BBS9: variants seen among roughly 807,000 people sequenced by gnomAD.
BBS9 encodes the protein protein PTHB1.
BBS9 carries 89 observed loss-of-function variants against 117.7 expected under a neutral mutation model. That is an observed-to-expected ratio of 0.76 (90% CI 0.64 to 0.90). The LOEUF is 0.90. BBS9 is among the 40% of genes least tolerant of loss of function. The pLI is 0.00. For synonymous variants in BBS9, 379 were observed against 370.9 expected (o/e 1.02, Z -0.25); for missense variants, 982 against 1,042.2 (o/e 0.94, Z 0.80).
At chr7:33,509,925 A>T (rs11762294) in intron 20 of BBS9, among the ~76,000 whole-genome samples, 54,188 of 152,114 alleles carry the variant, frequency 0.36, 11,466 homozygotes, top group African/African-American at 0.6. Flanking sequence ...CTCTTTAATG[A>T]TGCCTTTCCA....
At chr7:33,616,455 A>G (rs1211623728) in intron 21 of BBS9, among the ~76,000 whole-genome samples, 1 of 148,242 alleles carries the variant, frequency 6.7e-6, no homozygotes, top group Non-Finnish European at 1.5e-5. Flanking sequence ...AGTTACATAT[A>G]TGTTATATAA....
At chr7:33,588,096 T>G (rs1348524488) in intron 21 of BBS9, among the ~76,000 whole-genome samples, 1 of 152,132 alleles carries the variant, frequency 6.6e-6, no homozygotes, top group East Asian at 1.9e-4. Context: ...GTTATTTCTT[T>G]TTAACTTTGA....
intron 21 of BBS9, among the ~76,000 whole-genome samples, chr7:33,568,625 T>C (rs1244139353): frequency 6.6e-6 from 1 of 152,170 alleles, no homozygotes; most frequent in African/African-American, 2.4e-5. Context: ...GTTTCCATAG[T>C]GGTTTTGCCA....
At chr7:33,135,594 TG>T (rs1790328941) in intron 1 of BBS9, among the ~76,000 whole-genome samples, 1 of 152,242 alleles carries the variant, frequency 6.6e-6, no homozygotes, top group East Asian at 1.9e-4. Context: ...TAGTAAGTTT[TG>T]ATATGGGGAA....
At chr7:33,347,540 G>T (rs1584434794) in intron 12 of BBS9, among the ~76,000 whole-genome samples, 1 of 151,908 alleles carries the variant, frequency 6.6e-6, no homozygotes, top group Non-Finnish European at 1.5e-5. Context: ...AGGATTCATT[G>T]TTCATGGTGT....
At chr7:33,234,140 T>C (rs1260420910) in intron 5 of BBS9, among the ~76,000 whole-genome samples, 1 of 152,064 alleles carries the variant, frequency 6.6e-6, no homozygotes, top group African/African-American at 2.4e-5. Flanking sequence ...TTAACCCTAA[T>C]TTTACTGAAT....
chr7:33,634,077 A>G (rs548669581), intron 21 of BBS9, among the ~76,000 whole-genome samples: 1 of 152,338 alleles, frequency 6.6e-6, no homozygotes, highest in African/African-American at 2.4e-5. Context: ...CGCCTCAGGA[A>G]GCTGCACAGA....
At chr7:33,521,556 G>C (rs1197503205) in intron 20 of BBS9, among the ~76,000 whole-genome samples, 3 of 152,136 alleles carry the variant, frequency 2.0e-5, no homozygotes, top group African/African-American at 7.2e-5. Flanking sequence ...ATGAGAGTTA[G>C]TAGATTACAT....
intron 4 of BBS9, among the ~76,000 whole-genome samples, chr7:33,171,174 G>A (rs1796508471): frequency 6.6e-6 from 1 of 152,166 alleles, no homozygotes; most frequent in Non-Finnish European, 1.5e-5. Flanking sequence ...GAACAAAGCT[G>A]GAGGCATCAC....
At chr7:33,562,243 G>T (rs979987680) in intron 21 of BBS9, among the ~76,000 whole-genome samples, 8 of 152,192 alleles carry the variant, frequency 5.3e-5, no homozygotes, top group Non-Finnish European at 8.8e-5. Flanking sequence ...ATGGCTGGTG[G>T]ACTGTGAAGT....
At chr7:33,238,448 G>A (rs1432739322) in intron 5 of BBS9, among the ~76,000 whole-genome samples, 3 of 151,964 alleles carry the variant, frequency 2.0e-5, no homozygotes, top group Admixed American at 6.6e-5. Context: ...GGGCCACCAC[G>A]CCTGGCTAAT....
intron 21 of BBS9, among the ~76,000 whole-genome samples, chr7:33,561,430 A>T (rs1184401804): frequency 6.6e-6 from 1 of 152,234 alleles, no homozygotes; most frequent in African/African-American, 2.4e-5. Flanking sequence ...AAAAGGGAAC[A>T]GTTTTCTCTT....
At chr7:33,626,106 T>G (rs1277365984) in intron 21 of BBS9, among the ~76,000 whole-genome samples, 1 of 152,168 alleles carries the variant, frequency 6.6e-6, no homozygotes, top group African/African-American at 2.4e-5. Context: ...GACTTCCCCC[T>G]TGCTGTGCTC....
intron 16 of BBS9, 46 bp downstream of exon 16, chr7:33,358,041 A>G (rs1819960444): frequency 1.9e-6 from 3 of 1,583,570 alleles, no homozygotes; most frequent in Non-Finnish European, 8.7e-7. Context: ...AAATGCTAAG[A>G]ATTTAGAATG....
intron 5 of BBS9, among the ~76,000 whole-genome samples, chr7:33,255,434 G>A (rs566802751): frequency 6.7e-6 from 1 of 148,686 alleles, no homozygotes; most frequent in East Asian, 2.0e-4. Context: ...TGTATTCTTG[G>A]CGCCTTTGCT....
At chr7:33,564,799 G>A (rs1024420835) in intron 21 of BBS9, among the ~76,000 whole-genome samples, 1 of 152,182 alleles carries the variant, frequency 6.6e-6, no homozygotes. Context: ...ATTGAAAGCA[G>A]ATCCAGCCTG....
At chr7:33,240,276 G>C (rs1472071804) in intron 5 of BBS9, among the ~76,000 whole-genome samples, 1 of 115,124 alleles carries the variant, frequency 8.7e-6, no homozygotes, top group African/African-American at 3.4e-5. Flanking sequence ...TTTTTTTTTT[G>C]AGACAGGATC....
chr7:33,284,972 T>G (rs1452842484), intron 9 of BBS9, among the ~76,000 whole-genome samples: 1 of 152,208 alleles, frequency 6.6e-6, no homozygotes. Context: ...CAAGTACATC[T>G]TACTTTGAAA....
chr7:33,158,120 G>A (rs1794348302), intron 4 of BBS9, among the ~76,000 whole-genome samples: 1 of 152,180 alleles, frequency 6.6e-6, no homozygotes, highest in Non-Finnish European at 1.5e-5. Flanking sequence ...GGGCAAAAAA[G>A]ATGTGGTTCT....
Sources: allele counts gnomAD v4.1 joint callset (sites outside exome capture counted in the v4.1 genomes callset), GRCh38; gene constraint gnomAD v4.1.1; transcripts MANE v1.5; gene names NCBI Gene and HGNC (gene_info 2026-07-23, HGNC 2026-07-21).